PDE8B: variants seen among roughly 807,000 people sequenced by gnomAD.
The protein encoded by PDE8B is high affinity cAMP-specific and IBMX-insensitive 3',5'-cyclic phosphodiesterase 8B.
In PDE8B, 26 loss-of-function variants were observed where a neutral mutation model predicts 101.3. The ratio of observed to expected loss-of-function variants is 0.26; its 90% confidence interval spans 0.19 to 0.36. PDE8B has a LOEUF of 0.36. PDE8B is among the 10% of genes least tolerant of loss of function. The pLI is 1.00. For missense variants in PDE8B, 810 were observed against 1,163.1 expected, an observed-to-expected ratio of 0.70 and a Z score of 4.42; for synonymous variants, 424 against 429.3, an observed-to-expected ratio of 0.99 and a Z score of 0.15.
intron 10 of PDE8B, among the ~76,000 whole-genome samples, chr5:77,378,243 G>A (rs889251633): frequency 6.6e-6 from 1 of 151,962 alleles, no homozygotes; most frequent in African/African-American, 2.4e-5. Context: ...GGTGGATCAT[G>A]AGCTCAAGAG....
At chr5:77,212,577 T>TA (rs2149381565) in intron 1 of PDE8B, among the ~76,000 whole-genome samples, 1 of 152,330 alleles carries the variant, frequency 6.6e-6, no homozygotes, top group South Asian at 2.1e-4. Flanking sequence ...GAGCACCTAC[T>TA]ATGTGCCAGG....
chr5:77,233,219 C>T (rs1753937215), intron 1 of PDE8B, among the ~76,000 whole-genome samples: 2 of 152,046 alleles, frequency 1.3e-5, no homozygotes. Context: ...TCCTTTATGA[C>T]CTCTCACTCT....
At chr5:77,327,247 C>G (rs1323540953) in intron 3 of PDE8B, among the ~76,000 whole-genome samples, 1 of 152,188 alleles carries the variant, frequency 6.6e-6, no homozygotes, top group African/African-American at 2.4e-5. Flanking sequence ...GGACCTTAGC[C>G]TAACATGCGT....
At chr5:77,156,670 G>A in the PDE8B span, among the ~76,000 whole-genome samples, 2 of 152,128 alleles carry the variant, frequency 1.3e-5, no homozygotes, top group Non-Finnish European at 2.9e-5. Flanking sequence ...CAAGAAAACA[G>A]GATCACAGTG....
intron 2 of PDE8B, among the ~76,000 whole-genome samples, chr5:77,324,240 T>C (rs1313981326): frequency 6.6e-6 from 1 of 152,180 alleles, no homozygotes; most frequent in Non-Finnish European, 1.5e-5. Flanking sequence ...GTTTTACATG[T>C]TATTCATAGT....
At chr5:77,414,632 A>G (rs1391746057) in intron 17 of PDE8B, among the ~76,000 whole-genome samples, 3 of 147,958 alleles carry the variant, frequency 2.0e-5, no homozygotes, top group Non-Finnish European at 3.0e-5. Context: ...GGGTTTCACC[A>G]TGTTGGCCAG....
At chr5:77,361,664 G>A (rs879789065) in intron 10 of PDE8B, among the ~76,000 whole-genome samples, 5 of 151,998 alleles carry the variant, frequency 3.3e-5, no homozygotes, top group Non-Finnish European at 7.4e-5. Flanking sequence ...ACAGGCGCCC[G>A]CTACCTCACC....
At chr5:77,317,132 T>C (rs1361376975) in intron 2 of PDE8B, among the ~76,000 whole-genome samples, 5 of 152,188 alleles carry the variant, frequency 3.3e-5, no homozygotes, top group African/African-American at 1.2e-4. Context: ...GAGAGAGGTC[T>C]GGAAGGTCAG....
chr5:77,314,661 G>A (rs1773403699), intron 2 of PDE8B, among the ~76,000 whole-genome samples: 1 of 152,000 alleles, frequency 6.6e-6, no homozygotes, highest in African/African-American at 2.4e-5. Flanking sequence ...GATTTTCTAT[G>A]TACAAGATCA....
chr5:77,260,581 C>CTT (rs1561431905), intron 1 of PDE8B, among the ~76,000 whole-genome samples: 14 of 131,388 alleles, frequency 1.1e-4, no homozygotes, highest in Admixed American at 1.5e-4. Flanking sequence ...CACTGTGGCT[C>CTT]ATTTTTTTTT....
At chr5:77,152,931 C>T in the PDE8B span, among the ~76,000 whole-genome samples, 31 of 152,318 alleles carry the variant, frequency 2.0e-4, no homozygotes, top group Non-Finnish European at 3.4e-4. Flanking sequence ...AGTGCCTACA[C>T]GTCTGAGTCC....
chr5:77,242,349 G>A (rs1347396794), intron 1 of PDE8B, among the ~76,000 whole-genome samples: 1 of 152,196 alleles, frequency 6.6e-6, no homozygotes, highest in Non-Finnish European at 1.5e-5. Context: ...TTAAAGAGAA[G>A]TTAACAGTTA....
the PDE8B span, among the ~76,000 whole-genome samples, chr5:77,111,721 G>A: frequency 1.5e-3 from 222 of 152,252 alleles, no homozygotes; most frequent in Admixed American, 5.0e-3. Context: ...TTTATTAAGT[G>A]ATTTGTCCAA....
the PDE8B span, among the ~76,000 whole-genome samples, chr5:77,165,821 C>T: frequency 6.6e-6 from 1 of 152,034 alleles, no homozygotes; most frequent in South Asian, 2.1e-4. Context: ...GCCTGGCCAA[C>T]ATGGCAAAAT....
chr5:77,210,806 G>T lies in PDE8B; in HGVS notation c.-120G>T, dbSNP rs1160316520. ...GCCCGACGGAGCGGCGGACACACAG[G>T]CCGGGGGGCGCGCAGTCCGGGCGCC... is the stretch of plus-strand genomic sequence containing the variant. On this transcript the variant is annotated 5_prime_UTR_variant, in exon 1 of 22. Coordinates refer to ENST00000264917, the MANE Select transcript of PDE8B (RefSeq NM_003719.5). The surrounding 1 kb of genome is among the most constrained non-coding windows in gnomAD (Gnocchi z 4.9). 11 of 984,516 alleles carry T rather than the reference G, an allele frequency of 1.1e-5. No homozygotes were observed. The highest frequency in any genetic ancestry group is 2.4e-6 in the Non-Finnish European group (2 of 830,966). 61.0% of individuals were successfully genotyped at this position (984,516 alleles called of 1,614,324 possible).
chr5:77,220,753 G>A (rs1295051586), intron 1 of PDE8B, among the ~76,000 whole-genome samples: 1 of 152,180 alleles, frequency 6.6e-6, no homozygotes, highest in African/African-American at 2.4e-5. Context: ...TGGGAGAAGC[G>A]GGTTTAATTA....
At chr5:77,118,490 G>A in the PDE8B span, 10 of 398,000 alleles carry the variant, frequency 2.5e-5, no homozygotes, top group Non-Finnish European at 1.3e-5. Flanking sequence ...ACCACATGGA[G>A]GCCAGCCTAG....
intron 10 of PDE8B, among the ~76,000 whole-genome samples, chr5:77,397,026 ATTTTTTTT>A (rs71606290): frequency 3.6e-5 from 3 of 84,420 alleles, no homozygotes; most frequent in South Asian, 8.3e-4. Context: ...CCGATAAGAA[ATTTTTTTT>A]TTTTTTTTTT....
At chr5:77,125,341 G>A in the PDE8B span, among the ~76,000 whole-genome samples, 1 of 152,152 alleles carries the variant, frequency 6.6e-6, no homozygotes, top group Admixed American at 6.5e-5. Flanking sequence ...AGAGAAATTG[G>A]AACTCTTGTG....
Sources: allele counts gnomAD v4.1 joint callset (sites outside exome capture counted in the v4.1 genomes callset), GRCh38; gene constraint gnomAD v4.1.1; non-coding constraint Gnocchi (gnomAD v3.1); transcripts MANE v1.5; gene names NCBI Gene and HGNC (gene_info 2026-07-23, HGNC 2026-07-21).